The following ITIH5 variants were observed in gnomAD, a reference collection of about 807,000 sequenced individuals.
ITIH5 encodes inter-alpha-trypsin inhibitor heavy chain H5.
In ITIH5, 65 loss-of-function variants were observed where a neutral mutation model predicts 77.5. The observed-to-expected ratio is 0.84, with a 90% confidence interval of 0.69 to 1.03. ITIH5 has a LOEUF of 1.03. ITIH5 is among the 50% of genes least tolerant of loss of function. The pLI is 0.00. For synonymous variants in ITIH5, 525 were observed against 494.3 expected (o/e 1.06, Z -0.82); for missense variants, 1,208 against 1,213.1 (o/e 1.00, Z 0.06).
At chr10:7,599,724 A>T (rs1022087475) in intron 7 of ITIH5, among the ~76,000 whole-genome samples, 3 of 152,224 alleles carry the variant, frequency 2.0e-5, no homozygotes, top group Non-Finnish European at 4.4e-5. Context: ...ACAGGCTGGG[A>T]AAAAGCCATG....
At chr10:7,651,693 A>C (rs1269884699) in intron 2 of ITIH5, among the ~76,000 whole-genome samples, 2 of 152,112 alleles carry the variant, frequency 1.3e-5, no homozygotes, top group Admixed American at 1.3e-4. Context: ...TCTCCCCAGG[A>C]CCAGGTACCT....
At chr10:7,610,060 TTC>T (rs1491320025) in intron 7 of ITIH5, among the ~76,000 whole-genome samples, 1 of 129,732 alleles carries the variant, frequency 7.7e-6, no homozygotes, top group African/African-American at 2.9e-5. Context: ...TTTCTTTTTT[TTC>T]TTTTTTCTTT....
At chr10:7,632,184 G>A (rs1222215915) in intron 5 of ITIH5, among the ~76,000 whole-genome samples, 4 of 152,128 alleles carry the variant, frequency 2.6e-5, no homozygotes, top group African/African-American at 9.7e-5. Flanking sequence ...AAATCCAAGG[G>A]AATAGATCTC....
chr10:7,662,878 GA>G (rs942343916), intron 1 of ITIH5, among the ~76,000 whole-genome samples: 1 of 151,536 alleles, frequency 6.6e-6, no homozygotes, highest in East Asian at 1.9e-4. Flanking sequence ...TTAAAGAGTT[GA>G]AAAAAAATAG....
chr10:7,647,461 G>A (rs1164974071), intron 2 of ITIH5, among the ~76,000 whole-genome samples: 2 of 152,152 alleles, frequency 1.3e-5, no homozygotes, highest in Non-Finnish European at 2.9e-5. Flanking sequence ...CAACACCACA[G>A]GCCAGAAGAA....
intron 2 of ITIH5, among the ~76,000 whole-genome samples, chr10:7,643,389 A>G (rs533770126): frequency 6.6e-6 from 1 of 152,206 alleles, no homozygotes. Context: ...CATTTCATAG[A>G]TGGAGGGAAG....
At chr10:7,655,604 TTCA>T (rs1334727206) in intron 2 of ITIH5, 24 bp downstream of exon 2, 4 of 1,588,374 alleles carry the variant, frequency 2.5e-6, no homozygotes, top group South Asian at 1.1e-5. Flanking sequence ...GGAATGGACT[TTCA>T]AGATGCACCA....
chr10:7,559,803 C>T lies in ITIH5; in HGVS notation c.*3280G>A, dbSNP rs1402883585. 1 of 455,708 alleles carries T rather than the reference C, an allele frequency of 2.2e-6. No homozygotes were observed. The allele number at this position is 455,708 out of a possible 1,614,324, so 28.2% of individuals were successfully genotyped here. On this transcript the variant is annotated 3_prime_UTR_variant, in exon 14 of 14. Coordinates refer to ENST00000397146, the MANE Select transcript of ITIH5 (RefSeq NM_030569.7). Reference sequence around the variant, plus strand: ...GCAGGTGGCCATCTTCTCATCGTATCCCCAGGTGGTGGAGAGGAAAAACAC... The same window carrying T: ...GCAGGTGGCCATCTTCTCATCGTATTCCCAGGTGGTGGAGAGGAAAAACAC...
intron 8 of ITIH5, among the ~76,000 whole-genome samples, chr10:7,582,884 T>C (rs184993871): frequency 2.0e-5 from 3 of 152,102 alleles, no homozygotes; most frequent in Admixed American, 2.0e-4. Flanking sequence ...AGTTAATGGG[T>C]ACAAAAAGAA....
chr10:7,580,906 A>G (rs1393170955), intron 8 of ITIH5, among the ~76,000 whole-genome samples: 1 of 152,040 alleles, frequency 6.6e-6, no homozygotes, highest in Non-Finnish European at 1.5e-5. Flanking sequence ...GCCATGAAAT[A>G]TTTCTCCTCC....
intron 2 of ITIH5, among the ~76,000 whole-genome samples, chr10:7,646,648 C>A (rs1834013852): frequency 6.6e-6 from 1 of 152,210 alleles, no homozygotes; most frequent in South Asian, 2.1e-4. Context: ...GTGGCTGAAG[C>A]TGGAATTGTG....
chr10:7,586,907 T>C (rs1388798802), intron 7 of ITIH5, among the ~76,000 whole-genome samples: 1 of 152,148 alleles, frequency 6.6e-6, no homozygotes, highest in Non-Finnish European at 1.5e-5. Context: ...CTCAGCTCAC[T>C]GCAACCTCTG....
chr10:7,642,195 G>C, intron 2 of ITIH5, 105 bp from the exon 3 acceptor site: 1 of 877,610 alleles, frequency 1.1e-6, no homozygotes, highest in Non-Finnish European at 1.7e-6. Context: ...CTTCAGTTTG[G>C]GAGCCTTTGG....
chr10:7,653,481 T>A (rs1249137462), intron 2 of ITIH5, among the ~76,000 whole-genome samples: 4 of 152,196 alleles, frequency 2.6e-5, no homozygotes, highest in Non-Finnish European at 4.4e-5. Context: ...CTGCTGAGAT[T>A]ACAGGCGTGA....
intron 7 of ITIH5, among the ~76,000 whole-genome samples, chr10:7,612,328 T>C (rs1474861464): frequency 6.6e-6 from 1 of 152,316 alleles, no homozygotes; most frequent in East Asian, 1.9e-4. Context: ...AAAATTCAGT[T>C]CCTCACTTCC....
intron 1 of ITIH5, among the ~76,000 whole-genome samples, chr10:7,663,723 G>A (rs1040691630): frequency 2.2e-4 from 33 of 152,314 alleles, no homozygotes; most frequent in East Asian, 1.9e-4. Context: ...TATTGCAGAT[G>A]ATGAAACTGA....
chr10:7,660,409 A>T (rs1045110107), intron 1 of ITIH5, among the ~76,000 whole-genome samples: 2 of 152,200 alleles, frequency 1.3e-5, no homozygotes, highest in Admixed American at 1.3e-4. Context: ...AATCAACTTC[A>T]TAGACCTGCA....
At chr10:7,649,061 A>G (rs1403739238) in intron 2 of ITIH5, among the ~76,000 whole-genome samples, 1 of 152,014 alleles carries the variant, frequency 6.6e-6, no homozygotes, top group East Asian at 1.9e-4. Flanking sequence ...GCACGAGTCT[A>G]TCCCCCTCCC....
In ITIH5 at chr10:7,622,940, G is replaced by A. The variant is rs554663696; in HGVS notation, c.653-5658C>T. On this transcript the variant is annotated intron_variant, in intron 5 of 13. Coordinates refer to ENST00000397146, the MANE Select transcript of ITIH5 (RefSeq NM_030569.7). ...TCTGATCCTATTAGGTAATGACAAA[G>A]TACTTTATAGCTTGTGCATCAGAGT... is the stretch of plus-strand genomic sequence containing the variant. 8.9e-4 allele frequency among the ~76,000 whole-genome samples: 136 copies of A among 152,316 alleles called. 1 individual carries two copies. The highest frequency in any genetic ancestry group is 3.2e-3 in the African/African-American group (134 of 41,564).
Sources: allele counts gnomAD v4.1 joint callset (sites outside exome capture counted in the v4.1 genomes callset), GRCh38; gene constraint gnomAD v4.1.1; transcripts MANE v1.5; gene names NCBI Gene and HGNC (gene_info 2026-07-23, HGNC 2026-07-21).